The following CAMTA1 variants were observed in gnomAD, a reference collection of about 807,000 sequenced individuals.
CAMTA1 encodes calmodulin-binding transcription activator 1.
CAMTA1 carries 27 observed loss-of-function variants against 170.9 expected under a neutral mutation model. The ratio of observed to expected loss-of-function variants is 0.16; its 90% CI spans 0.12 to 0.22. CAMTA1 has a LOEUF of 0.22. CAMTA1 is among the 10% of genes least tolerant of loss of function. CAMTA1 has a pLI of 1.00. For synonymous variants in CAMTA1, 833 were observed against 891.5 expected, an observed-to-expected ratio of 0.93 and a Z score of 1.17; for missense variants, 1,619 against 2,217.2, an observed-to-expected ratio of 0.73 and a Z score of 5.42.
intron 9 of CAMTA1, among the ~76,000 whole-genome samples, chr1:7,668,417 ACACACACACACACACC>A (rs2096021240): frequency 1.4e-5 from 2 of 144,038 alleles, no homozygotes; most frequent in East Asian, 2.0e-4. Flanking sequence ...ACACACACAC[ACACACACACACACACC>A]CACCACACAC....
intron 6 of CAMTA1, among the ~76,000 whole-genome samples, chr1:7,553,268 T>C (rs1454780717): frequency 2.0e-5 from 3 of 151,556 alleles, no homozygotes; most frequent in Non-Finnish European, 4.4e-5. Flanking sequence ...AATGAGTGAA[T>C]AATTGAGTGA....
chr1:6,811,743 A>C (rs912685834), intron 1 of CAMTA1, among the ~76,000 whole-genome samples: 8 of 152,154 alleles, frequency 5.3e-5, no homozygotes, highest in African/African-American at 1.4e-4. Context: ...TGGCCTTCAG[A>C]GTGTTCTTGG....
At chr1:7,060,661 G>A (rs541087333) in intron 3 of CAMTA1, among the ~76,000 whole-genome samples, 5 of 152,264 alleles carry the variant, frequency 3.3e-5, no homozygotes, top group East Asian at 1.9e-4. Context: ...CAGTGCAGGC[G>A]CCCCTGAGGT....
intron 3 of CAMTA1, among the ~76,000 whole-genome samples, chr1:6,904,907 G>C (rs1218602853): frequency 6.6e-6 from 1 of 151,710 alleles, no homozygotes; most frequent in Admixed American, 6.6e-5. Context: ...CCTTTGTTTC[G>C]TATTGCACGC....
chr1:7,141,542 A>G (rs1645889584), intron 4 of CAMTA1, among the ~76,000 whole-genome samples: 1 of 152,144 alleles, frequency 6.6e-6, no homozygotes, highest in African/African-American at 2.4e-5. Context: ...GAAAAGACAT[A>G]GAAGGGCACA....
intron 4 of CAMTA1, among the ~76,000 whole-genome samples, chr1:7,190,183 A>G (rs1347437534): frequency 6.6e-6 from 1 of 152,204 alleles, no homozygotes; most frequent in South Asian, 2.1e-4. Flanking sequence ...GGTTCAGTGT[A>G]TACTGCCTGG....
rs1412440606 is a variant in CAMTA1 at position 7,674,650 on chromosome 1, G to C, written c.2780-2949G>C. ...AAAAATTAGCTGGGCGTGGTGGCAG[G>C]CACCTGTAAGCTAGTAGGGAGGCTG... On this transcript the variant is annotated intron_variant, in intron 10 of 22. Transcript: ENST00000303635. The surrounding 1 kb of genome is among the most constrained non-coding windows in gnomAD (Gnocchi z 4.1). Among the ~76,000 whole-genome samples the C allele has an allele frequency of 6.6e-6, 1 of 151,986 alleles. No individual in the cohort carries two copies. Among genetic ancestry groups the C allele is most frequent in the Admixed American group, 6.6e-5 (1 of 15,256 alleles).
intron 6 of CAMTA1, among the ~76,000 whole-genome samples, chr1:7,639,632 G>A (rs145529547): frequency 0.024 from 3,688 of 152,210 alleles, 152 homozygotes; most frequent in African/African-American, 0.084. Flanking sequence ...AATTAGCCAG[G>A]CATGGTGGTG....
intron 2 of CAMTA1, among the ~76,000 whole-genome samples, chr1:6,821,648 CATT>C (rs979109710): frequency 6.6e-6 from 1 of 152,078 alleles, no homozygotes; most frequent in African/African-American, 2.4e-5. Context: ...ATAGAACCAA[CATT>C]ATTTTTTATT....
chr1:7,490,600 C>T lies in CAMTA1; in HGVS notation c.510+22699C>T, dbSNP rs548866794. Reference sequence around the variant, plus strand: ...CCAGGAGGCGGAGGTTGCGGTGAGCCGAGATTGTGCCACTGCACTCCAGCC... The same window carrying T: ...CCAGGAGGCGGAGGTTGCGGTGAGCTGAGATTGTGCCACTGCACTCCAGCC... On this transcript the variant is annotated intron_variant, in intron 6 of 22. Transcript: ENST00000303635. 7.6e-4 allele frequency among the ~76,000 whole-genome samples: 115 copies of T among 152,012 alleles called. 1 individual carries two copies. The highest frequency in any genetic ancestry group is 2.1e-3 in the South Asian group (10 of 4,824).
intron 3 of CAMTA1, among the ~76,000 whole-genome samples, chr1:6,989,852 C>T (rs1331658775): frequency 6.6e-6 from 1 of 151,478 alleles, no homozygotes; most frequent in Non-Finnish European, 1.5e-5. Flanking sequence ...ATTTATTTTG[C>T]CATTATTTAC....
chr1:7,233,615 G>C (rs1015932005), intron 4 of CAMTA1, among the ~76,000 whole-genome samples: 7 of 152,182 alleles, frequency 4.6e-5, no homozygotes, highest in African/African-American at 1.7e-4. Flanking sequence ...CTGTTTACAA[G>C]TTATGAAGGT....
At chr1:6,868,908 G>T (rs1005625605) in intron 3 of CAMTA1, among the ~76,000 whole-genome samples, 1 of 152,190 alleles carries the variant, frequency 6.6e-6, no homozygotes. Context: ...TGTATCCTAT[G>T]CAAGGTTTTG....
At position 6,973,552 on chromosome 1, in the gene CAMTA1, G is replaced by A. The variant is rs537225041; in HGVS notation, c.235-117752G>A. Among the ~76,000 whole-genome samples the A allele has an allele frequency of 2.0e-5, 3 of 152,312 alleles. No individual in the cohort carries two copies. In the South Asian group the frequency reaches 6.2e-4, roughly 32 times the overall value. On this transcript the variant is annotated intron_variant, in intron 3 of 22. Coordinates refer to ENST00000303635, the MANE Select transcript of CAMTA1 (RefSeq NM_015215.4). ...TGGTGGACATTTAGGTGGTTTCCAC[G>A]TTTGGGCTTTTGTGAATAGTGCTGC... is the stretch of plus-strand genomic sequence containing the variant.
At chr1:7,614,244 AG>A (rs768129899) in intron 6 of CAMTA1, among the ~76,000 whole-genome samples, 3 of 152,044 alleles carry the variant, frequency 2.0e-5, no homozygotes, top group African/African-American at 7.2e-5. Context: ...GGCGGCTGAG[AG>A]GGGGCTCCTC....
At chr1:7,488,411 G>A (rs1182141734) in intron 6 of CAMTA1, among the ~76,000 whole-genome samples, 1 of 152,104 alleles carries the variant, frequency 6.6e-6, no homozygotes, top group Non-Finnish European at 1.5e-5. Context: ...GGAGCCCCAA[G>A]GAGCAAAGGG....
chr1:6,972,735 T>C (rs1032187876), intron 3 of CAMTA1, among the ~76,000 whole-genome samples: 2 of 152,116 alleles, frequency 1.3e-5, no homozygotes, highest in African/African-American at 4.8e-5. Flanking sequence ...CGTCTTTCTG[T>C]CTCCAAACAC....
At chr1:7,492,559 G>A (rs12562147) in intron 6 of CAMTA1, among the ~76,000 whole-genome samples, 53,931 of 151,434 alleles carry the variant, frequency 0.36, 10,295 homozygotes, top group Middle Eastern at 0.51. Flanking sequence ...ACACACACAC[G>A]CACGCACATA....
At chr1:7,260,227 C>T (rs545045708) in intron 5 of CAMTA1, among the ~76,000 whole-genome samples, 7 of 152,302 alleles carry the variant, frequency 4.6e-5, no homozygotes, top group Non-Finnish European at 8.8e-5. Flanking sequence ...ATTATGGCCA[C>T]GGTTTCTAGA....
Sources: gnomAD v4.1 joint callset for allele counts (sites outside exome capture counted in the v4.1 genomes callset) on GRCh38, gnomAD v4.1.1 for gene constraint, Gnocchi (gnomAD v3.1) non-coding constraint, MANE v1.5 for transcripts, NCBI Gene and HGNC (gene_info 2026-07-23, HGNC 2026-07-21) for gene names.